Variants in ING5 observed in about 807,000 individuals in gnomAD.
The protein encoded by ING5 is inhibitor of growth protein 5.
In ING5, 17 loss-of-function variants were observed where a neutral mutation model predicts 37.4. That is an observed-to-expected ratio of 0.45 (90% CI 0.31 to 0.68). The LOEUF is 0.68. Ranked by LOEUF, ING5 falls within the 30% of genes least tolerant of loss-of-function variation. The probability of loss-of-function intolerance (pLI) is 0.05; values close to 1 mark genes in which losing one functional copy is unlikely to be tolerated. For synonymous variants in ING5, 123 were observed against 116.6 expected (o/e 1.06, Z -0.36); for missense variants, 233 against 311.9 (o/e 0.75, Z 1.91).
rs760338465 is a variant in ING5 at position 241,709,359 on chromosome 2, C to T, written c.253C>T (p.Leu85=). ...GGAATACAGTGACGACAAAGTGCAG[C>T]TGGCCATGCAGACCTACGAGATGGT... The part of the protein sequence containing the change: ...CKEYSDDKVQ[L]AMQTYEMVDK... Residue 85 remains leucine, a synonymous_variant, in exon 3 of 8, where the codon CTG becomes TTG. Transcript: ENST00000313552. 3 of 1,613,566 alleles carry T rather than the reference C, an allele frequency of 1.9e-6. No homozygotes were observed. Among genetic ancestry groups the T allele is most frequent in the Non-Finnish European group, 1.7e-6 (2 of 1,179,878 alleles).
Position 241,711,500 on chromosome 2 carries a change from A to G in ING5, c.388+12A>G. 4 of 1,567,430 alleles carry G rather than the reference A, an allele frequency of 2.6e-6. No individual in the cohort carries two copies. The highest frequency in any genetic ancestry group is 2.6e-6 in the Non-Finnish European group (3 of 1,152,876). ...GCGAGGGTTAAAAAGCAAGTCTGTT[A>G]ATTTTTTTTCTTTATTTTATTACTG... On this transcript the variant is annotated intron_variant, in intron 4 of 7. Coordinates refer to ENST00000313552, the MANE Select transcript of ING5 (RefSeq NM_032329.6).
intron 5 of ING5, chr2:241,712,354 C>T (rs1051304279): frequency 1.4e-5 from 5 of 357,478 alleles, no homozygotes; most frequent in African/African-American, 2.1e-5. Context: ...TGCCTGTCCT[C>T]TTAGCCACAG....
intron 5 of ING5, 137 bp downstream of exon 5, chr2:241,712,208 C>A: frequency 1.4e-6 from 1 of 714,630 alleles, no homozygotes; most frequent in Non-Finnish European, 2.3e-6. Flanking sequence ...TTACGCTGCG[C>A]GCCTGTCGTC....
intron 5 of ING5, among the ~76,000 whole-genome samples, chr2:241,713,306 C>T (rs1402638268): frequency 6.6e-6 from 1 of 151,710 alleles, no homozygotes; most frequent in Non-Finnish European, 1.5e-5. Context: ...GATCCACCTG[C>T]CTCGGCCTCC....
At position 241,726,347 on chromosome 2, in the gene ING5, A is replaced by G. The variant is rs929559992; in HGVS notation, c.*1316A>G. 2 of 152,222 alleles carry G rather than the reference A, an allele frequency of 1.3e-5. No homozygotes were observed. Among genetic ancestry groups the G allele is most frequent in the Admixed American group, 6.5e-5 (1 of 15,272 alleles). The allele number at this position is 152,222 out of a possible 1,614,324, so 9.4% of individuals were successfully genotyped here. On this transcript the variant is annotated 3_prime_UTR_variant, in exon 8 of 8. Coordinates refer to ENST00000313552, the MANE Select transcript of ING5 (RefSeq NM_032329.6). ...ACTTCCTTCTGATGGCTACATCTGT[A>G]TCTTTTCCTCCTGTGTTTAATGTTT...
chr2:241,702,160 G>GC (rs896408767), intron 1 of ING5, 58 bp downstream of exon 1: 6 of 1,083,272 alleles, frequency 5.5e-6, no homozygotes, highest in East Asian at 4.1e-5. Context: ...CCGTGCCGCA[G>GC]CCCCCCGCGC....
chr2:241,697,362 G>A (rs1407835709), upstream of ING5, among the ~76,000 whole-genome samples: 3 of 150,300 alleles, frequency 2.0e-5, no homozygotes, highest in Non-Finnish European at 3.0e-5. Flanking sequence ...ATGAACCCGG[G>A]AGGCGGAGCT....
chr2:241,716,916 T>C (rs2070288685), intron 5 of ING5, among the ~76,000 whole-genome samples: 1 of 152,100 alleles, frequency 6.6e-6, no homozygotes, highest in Non-Finnish European at 1.5e-5. Context: ...CAGAATTTCA[T>C]TTAGATAGGA....
At chr2:241,724,895 A>G (rs1240358814) in intron 7 of ING5, 94 bp from the exon 8 acceptor site, 4 of 1,363,438 alleles carry the variant, frequency 2.9e-6, no homozygotes, top group Non-Finnish European at 4.1e-6. Context: ...GCCGGCGTCC[A>G]GCAGCCCTGG....
chr2:241,717,425 A>C (rs1483238867), intron 5 of ING5, among the ~76,000 whole-genome samples: 1 of 151,940 alleles, frequency 6.6e-6, no homozygotes, highest in East Asian at 1.9e-4. Flanking sequence ...TTTTCCATAC[A>C]TATTCTGCTT....
intron 1 of ING5, chr2:241,688,113 C>T (rs544735892): frequency 1.3e-5 from 2 of 152,260 alleles, no homozygotes; most frequent in African/African-American, 4.8e-5. Flanking sequence ...TCTATATGTG[C>T]CATATTGTCA....
chr2:241,712,256 G>A (rs1678475247), intron 5 of ING5, 185 bp downstream of exon 5: 1 of 553,466 alleles, frequency 1.8e-6, no homozygotes, highest in East Asian at 3.2e-5. Flanking sequence ...GGGTGCCGTT[G>A]TCAGGGGCAT....
chr2:241,719,007 C>T lies in ING5; in HGVS notation c.483-3932C>T, dbSNP rs936568950. Among the ~76,000 whole-genome samples the T allele has an allele frequency of 3.9e-5, 6 of 152,292 alleles. 1 individual carries two copies. Among genetic ancestry groups the T allele is most frequent in the Admixed American group, 1.3e-4 (2 of 15,298 alleles). On this transcript the variant is annotated intron_variant, in intron 5 of 7. Coordinates refer to ENST00000313552, the MANE Select transcript of ING5 (RefSeq NM_032329.6). ...ATTTCTGTTCTCCCCAGGAGGTGTTCGTTCTGTTTTAGTCCAGGCCAATAG... is the reference window on the plus strand; with the variant it reads ...ATTTCTGTTCTCCCCAGGAGGTGTTTGTTCTGTTTTAGTCCAGGCCAATAG...
rs2069619185 is a variant in ING5, at chr2:241,695,596, G to C, written c.43+4943G>C. Among the ~76,000 whole-genome samples, 3 of 152,180 alleles carry C rather than the reference G, an allele frequency of 2.0e-5. No individual in the cohort carries two copies. The South Asian group carries it at 6.2e-4, about 32-fold the overall frequency. On this transcript the variant is annotated intron_variant, in intron 2 of 7. Transcript: ENST00000636051. ...ACCTACTCAGGAGGCTGAGGCAGCAGAATTGCTTGAACCCAGGAGGTGGAG... is the reference window on the plus strand; with the variant it reads ...ACCTACTCAGGAGGCTGAGGCAGCACAATTGCTTGAACCCAGGAGGTGGAG...
chr2:241,701,023 G>T (rs1479755892), upstream of ING5, among the ~76,000 whole-genome samples: 5 of 149,188 alleles, frequency 3.4e-5, no homozygotes, highest in East Asian at 1.0e-3. Flanking sequence ...GCCCAGGCTG[G>T]AGTGCAGACG....
rs34545938 is a variant in ING5 at position 241,715,472 on chromosome 2, A to ATTTTTTTTTTT, written c.482+3416_482+3426dup. On this transcript the variant is annotated intron_variant, in intron 5 of 7. Coordinates refer to ENST00000313552, the MANE Select transcript of ING5 (RefSeq NM_032329.6). ...TGGCCTCCCAAAGTGCTGGAATAGA[A>ATTTTTTTTTTT]TTTTTTTTTTTTTTTTTTTTTTTTT... Among the ~76,000 whole-genome samples, 2 of 70,944 alleles carry ATTTTTTTTTTT rather than the reference A, an allele frequency of 2.8e-5. 1 individual carries two copies. The highest frequency in any genetic ancestry group is 5.1e-5 in the Non-Finnish European group (2 of 39,220). 46.5% of individuals were successfully genotyped at this position (70,944 alleles called of 152,430 possible). A position where few individuals can be genotyped will look rare whatever the true frequency, so the allele number is the denominator to read the frequency against.
At chr2:241,711,908 A>T in intron 4 of ING5, 70 bp from the exon 5 acceptor site, 3 of 1,400,380 alleles carry the variant, frequency 2.1e-6, no homozygotes, top group Non-Finnish European at 1.9e-6. Flanking sequence ...CCTTTTTAAA[A>T]ACAAAACACA....
At chr2:241,713,273 G>GT (rs954083348) in intron 5 of ING5, among the ~76,000 whole-genome samples, 2 of 151,618 alleles carry the variant, frequency 1.3e-5, no homozygotes, top group Admixed American at 1.3e-4. Flanking sequence ...AGCCAGGCTG[G>GT]TCTCGAACTC....
intron 2 of ING5, 133 bp from the exon 3 acceptor site, chr2:241,709,083 C>T: frequency 3.1e-6 from 3 of 960,552 alleles, no homozygotes; most frequent in Non-Finnish European, 4.8e-6. Context: ...GCGCTCCCAC[C>T]AGCACAGCGT....
Sources: gnomAD v4.1 joint callset for allele counts (sites outside exome capture counted in the v4.1 genomes callset) on GRCh38, gnomAD v4.1.1 for gene constraint, MANE v1.5 for transcripts, NCBI Gene and HGNC (gene_info 2026-07-23, HGNC 2026-07-21) for gene names.